Variants in XPA observed in about 807,000 individuals in gnomAD.
XPA encodes the protein DNA repair protein complementing XP-A cells.
In XPA, 27 loss-of-function variants were observed where a neutral mutation model predicts 35.7. The ratio of observed to expected loss-of-function variants is 0.76; its 90% confidence interval spans 0.56 to 1.04. XPA has a LOEUF of 1.04. XPA is among the 50% of genes least tolerant of loss of function. XPA has a pLI of 0.00. For synonymous variants in XPA, 133 were observed against 118.4 expected, an observed-to-expected ratio of 1.12 and a Z score of -0.80; for missense variants, 354 against 342.7, an observed-to-expected ratio of 1.03 and a Z score of -0.26.
At chr9:97,668,714 GT>G in the XPA span, 4 of 933,238 alleles carry the variant, frequency 4.3e-6, no homozygotes, top group South Asian at 2.1e-5. Context: ...GGGTGGCGGG[GT>G]GGGGGGGTAC....
At chr9:97,656,239 C>G in the XPA span, among the ~76,000 whole-genome samples, 24 of 152,356 alleles carry the variant, frequency 1.6e-4, no homozygotes, top group African/African-American at 5.3e-4. Flanking sequence ...AAAAATTAGG[C>G]AACCATGCCA....
Position 97,689,652 on chromosome 9 carries a change from AAATG to A in XPA, c.284-17_284-14del, listed in dbSNP as rs747569628. On this transcript the variant is annotated splice_polypyrimidine_tract_variant and intron_variant, in intron 2 of 5. Transcript: ENST00000375128. ...TCCATAACAGGTCCTAAGAAAAGGAAAATGAACTCTAGTTTCCTTTTTTATGACT... is the reference window on the plus strand; with the variant it reads ...TCCATAACAGGTCCTAAGAAAAGGAAAACTCTAGTTTCCTTTTTTATGACT... 4 of 1,516,614 alleles carry A rather than the reference AAATG, an allele frequency of 2.6e-6. No individual in the cohort carries two copies. The highest frequency in any genetic ancestry group is 3.7e-6 in the Non-Finnish European group (4 of 1,093,042). The allele number at this position is 1,516,614 out of a possible 1,614,324, so 93.9% of individuals were successfully genotyped here.
the XPA span, among the ~76,000 whole-genome samples, chr9:97,666,338 G>C: frequency 6.6e-6 from 1 of 152,190 alleles, no homozygotes; most frequent in Non-Finnish European, 1.5e-5. Context: ...GTGTGTGCTA[G>C]TTAAATAATA....
chr9:97,694,179 T>G (rs749502394), intron 1 of XPA, among the ~76,000 whole-genome samples: 24 of 152,258 alleles, frequency 1.6e-4, no homozygotes, highest in Admixed American at 3.9e-4. Context: ...AAAACGTCAA[T>G]TCTTCACAAA....
chr9:97,670,049 T>C (rs1056485358), downstream of XPA: 15 of 360,188 alleles, frequency 4.2e-5, no homozygotes, highest in African/African-American at 2.8e-4. Flanking sequence ...CAGCCTCCCA[T>C]ATTGCTGGGA....
At chr9:97,658,715 C>T in the XPA span, 2 of 1,610,824 alleles carry the variant, frequency 1.2e-6, no homozygotes, top group Admixed American at 1.7e-5. Flanking sequence ...ACCCAACCTG[C>T]ATTTACAAGT....
chr9:97,663,206 TTTCA>T, the XPA span, among the ~76,000 whole-genome samples: 1 of 152,210 alleles, frequency 6.6e-6, no homozygotes, highest in Non-Finnish European at 1.5e-5. Context: ...AGTAATGATG[TTTCA>T]TTCATTCTTG....
chr9:97,681,973 C>A (rs1278409314), intron 5 of XPA, among the ~76,000 whole-genome samples: 1 of 152,162 alleles, frequency 6.6e-6, no homozygotes, highest in Non-Finnish European at 1.5e-5. Context: ...GTTAAAAAAA[C>A]TGAACAGCAG....
intron 2 of XPA, 145 bp from the exon 3 acceptor site, chr9:97,689,784 T>C: frequency 2.5e-6 from 1 of 401,470 alleles, no homozygotes; most frequent in East Asian, 4.0e-5. Flanking sequence ...TATGTTTATC[T>C]AAAAAAAAAA....
chr9:97,660,122 G>C, the XPA span, among the ~76,000 whole-genome samples: 2 of 152,188 alleles, frequency 1.3e-5, no homozygotes, highest in Admixed American at 6.5e-5. Context: ...ATGTAGACTG[G>C]TGACAGGGGA....
intron 5 of XPA, among the ~76,000 whole-genome samples, chr9:97,683,964 C>T (rs1024980942): frequency 6.6e-6 from 1 of 152,142 alleles, no homozygotes; most frequent in South Asian, 2.1e-4. Context: ...CGAATATATA[C>T]ATAAAGTATG....
At chr9:97,660,212 T>C in the XPA span, among the ~76,000 whole-genome samples, 1 of 152,200 alleles carries the variant, frequency 6.6e-6, no homozygotes, top group East Asian at 1.9e-4. Flanking sequence ...ATGACTGTTG[T>C]AATTTACTTT....
intron 5 of XPA, among the ~76,000 whole-genome samples, chr9:97,677,679 G>C (rs1181714369): frequency 1.3e-5 from 2 of 152,040 alleles, no homozygotes; most frequent in Non-Finnish European, 2.9e-5. Context: ...CTAGGTGACA[G>C]AGCAAGACTG....
chr9:97,697,193 G>A lies in XPA; in HGVS notation c.100C>T (p.Arg34Trp), dbSNP rs1424881212. Residue 34 changes from arginine to tryptophan, a missense_variant, in exon 1 of 6, where the codon CGG becomes TGG. Coordinates refer to ENST00000375128, the MANE Select transcript of XPA (RefSeq NM_000380.4). ...CGGGCCTGGCGCAGCATCAGTGCCC[G>A]CTGCCGCTTCCGCTCGATACTCGCC... is the stretch of plus-strand genomic sequence containing the variant. Reference protein sequence around the residue: ...VRASIERKRQRALMLRQARLA... With the variant: ...VRASIERKRQWALMLRQARLA... The A allele has an allele frequency of 1.3e-6, 2 of 1,597,870 alleles. No individual in the cohort carries two copies. The highest frequency in any genetic ancestry group is 1.7e-6 in the Non-Finnish European group (2 of 1,176,750).
intron 1 of XPA, among the ~76,000 whole-genome samples, chr9:97,696,475 A>G (rs753890893): frequency 5.3e-5 from 8 of 152,192 alleles, no homozygotes; most frequent in Non-Finnish European, 1.0e-4. Context: ...TGTCCAAGAA[A>G]TAGACTCATG....
intron 5 of XPA, among the ~76,000 whole-genome samples, chr9:97,681,914 A>G (rs1828554154): frequency 6.6e-6 from 1 of 152,120 alleles, no homozygotes. Flanking sequence ...AACTCTCCAA[A>G]TACTCTCTAT....
chr9:97,684,854 AAT>A (rs1828661976), intron 5 of XPA, 67 bp downstream of exon 5: 1 of 1,271,048 alleles, frequency 7.9e-7, no homozygotes, highest in East Asian at 2.3e-5. Context: ...AAACAGGAAG[AAT>A]CTAGCTAAAG....
chr9:97,656,738 C>T, the XPA span, among the ~76,000 whole-genome samples: 1 of 152,086 alleles, frequency 6.6e-6, no homozygotes, highest in Non-Finnish European at 1.5e-5. Flanking sequence ...GTTGGTTTTC[C>T]TTTGAGAATA....
intron 1 of XPA, among the ~76,000 whole-genome samples, chr9:97,696,881 G>A (rs1829058483): frequency 6.6e-6 from 1 of 152,348 alleles, no homozygotes; most frequent in Non-Finnish European, 1.5e-5. Flanking sequence ...CAGCGAAGAA[G>A]GCCCGGGGCT....
Sources: gnomAD v4.1 joint callset for allele counts (sites outside exome capture counted in the v4.1 genomes callset) on GRCh38, gnomAD v4.1.1 for gene constraint, MANE v1.5 for transcripts, NCBI Gene and HGNC (gene_info 2026-07-23, HGNC 2026-07-21) for gene names.